THSD4: variants seen among roughly 807,000 people sequenced by gnomAD.
The protein encoded by THSD4 is thrombospondin type 1 domain containing 4, also known as thrombospondin type-1 domain-containing protein 4.
A neutral mutation model predicts 119.0 loss-of-function variants in THSD4; 69 were observed. That is an observed-to-expected ratio of 0.58 (90% confidence interval 0.48 to 0.71). The LOEUF (loss-of-function observed/expected upper bound fraction) is 0.71. Among genes scored for constraint, THSD4 ranks in the 30% least tolerant of loss-of-function variants. The probability of loss-of-function intolerance (pLI) is 0.00; values close to 1 mark genes in which losing one functional copy is unlikely to be tolerated. For synonymous variants in THSD4, 524 were observed against 540.4 expected (o/e 0.97, Z 0.42); for missense variants, 1,393 against 1,391.1 (o/e 1.00, Z -0.02).
rs76277464 is a variant in THSD4 at position 71,695,604 on chromosome 15, C to A, written c.1358-32945C>A. Among the ~76,000 whole-genome samples, 958 of 151,936 alleles carry A rather than the reference C, an allele frequency of 6.3e-3. 11 individuals carry two copies. Among genetic ancestry groups the A allele is most frequent in the African/African-American group, 0.021 (869 of 41,408 alleles). The stretch of plus-strand genomic sequence containing the variant: ...TTTGCTGATTGCAGAGCCATTCTCC[C>A]TTAGTGAAGGGACAGATGATGGTGA... On this transcript the variant is annotated intron_variant, in intron 8 of 17. Coordinates refer to ENST00000261862, the MANE Select transcript of THSD4 (RefSeq NM_024817.3).
intron 3 of THSD4, among the ~76,000 whole-genome samples, chr15:71,198,186 A>G (rs2043736151): frequency 1.3e-5 from 2 of 152,236 alleles, no homozygotes. Flanking sequence ...GCGTGAGCCC[A>G]GGATTTTGAA....
At chr15:71,102,393 C>T (rs1442134511) in intron 1 of THSD4, among the ~76,000 whole-genome samples, 1 of 152,046 alleles carries the variant, frequency 6.6e-6, no homozygotes, top group African/African-American at 2.4e-5. Context: ...TTCCCACAGG[C>T]CCCTAAGGTT....
chr15:71,607,690 G>A (rs1293726924), intron 7 of THSD4, among the ~76,000 whole-genome samples: 1 of 152,162 alleles, frequency 6.6e-6, no homozygotes, highest in Non-Finnish European at 1.5e-5. Context: ...TGGGTATGGG[G>A]CACCTATGAT....
intron 8 of THSD4, among the ~76,000 whole-genome samples, chr15:71,724,372 G>T (rs558151273): frequency 2.4e-4 from 36 of 149,244 alleles, no homozygotes; most frequent in African/African-American, 8.3e-4. Flanking sequence ...TGCAAGCTCC[G>T]CCTCCTGGGT....
In THSD4 at chr15:71,432,332, A is replaced by G. The variant is rs191600823; in HGVS notation, c.1152+20509A>G. ...ATTTTGAAGTCTTTTAAAAATGTTC[A>G]AAAGACTTGATCAAAAGTAGAATCA... is the stretch of plus-strand genomic sequence containing the variant. On this transcript the variant is annotated intron_variant, in intron 7 of 17. Transcript: ENST00000261862. 1.8e-3 allele frequency among the ~76,000 whole-genome samples: 281 copies of G among 152,318 alleles called. 1 individual carries two copies. The highest frequency in any genetic ancestry group is 8.7e-4 in the Non-Finnish European group (59 of 68,020).
At chr15:71,546,609 A>T (rs4777410) in intron 7 of THSD4, among the ~76,000 whole-genome samples, 100,886 of 151,978 alleles carry the variant, frequency 0.66, 35,939 homozygotes, top group East Asian at 0.95. Flanking sequence ...CTATTTTTAC[A>T]TTTTCTGCAA....
intron 1 of THSD4, among the ~76,000 whole-genome samples, chr15:71,136,257 C>T (rs989245750): frequency 2.6e-5 from 4 of 152,058 alleles, no homozygotes; most frequent in Admixed American, 2.0e-4. Context: ...GCCCTGATGT[C>T]GGGAGCCAAC....
intron 7 of THSD4, among the ~76,000 whole-genome samples, chr15:71,486,159 A>C (rs892093682): frequency 3.9e-5 from 6 of 152,128 alleles, no homozygotes; most frequent in Admixed American, 6.6e-5. Flanking sequence ...ATCTCAAAAT[A>C]TCTCTTTCTC....
intron 6 of THSD4, among the ~76,000 whole-genome samples, chr15:71,282,815 G>A (rs967577559): frequency 9.9e-5 from 15 of 151,990 alleles, no homozygotes; most frequent in African/African-American, 1.9e-4. Flanking sequence ...TTCAACTTGC[G>A]TATCCTTTTC....
At chr15:71,559,929 G>A (rs1175094261) in intron 7 of THSD4, among the ~76,000 whole-genome samples, 2 of 152,088 alleles carry the variant, frequency 1.3e-5, no homozygotes, top group South Asian at 2.1e-4. Flanking sequence ...TACCTTAAGA[G>A]AAAGTCACAT....
chr15:71,200,942 T>C (rs569503141), intron 3 of THSD4, among the ~76,000 whole-genome samples: 1 of 152,342 alleles, frequency 6.6e-6, no homozygotes, highest in East Asian at 1.9e-4. Context: ...CTTTGTGCCC[T>C]ATATCCATGT....
chr15:71,334,677 G>C (rs1596344618), intron 6 of THSD4, among the ~76,000 whole-genome samples: 1 of 152,316 alleles, frequency 6.6e-6, no homozygotes, highest in African/African-American at 2.4e-5. Flanking sequence ...CAGTTTGCCA[G>C]TGTCTGACCC....
chr15:71,357,606 C>A (rs1267081984), intron 6 of THSD4, among the ~76,000 whole-genome samples: 1 of 152,170 alleles, frequency 6.6e-6, no homozygotes. Flanking sequence ...GCTCTCCCGC[C>A]TGCAGTTTTA....
At chr15:71,693,616 G>A (rs2052100758) in intron 8 of THSD4, among the ~76,000 whole-genome samples, 1 of 152,132 alleles carries the variant, frequency 6.6e-6, no homozygotes, top group Admixed American at 6.5e-5. Flanking sequence ...ATATGGTTTG[G>A]CTGTGTCTCC....
At chr15:71,111,876 G>C (rs2040307760), upstream of THSD4, 9 of 545,948 alleles carry the variant, frequency 1.6e-5, 1 homozygote, top group South Asian at 2.3e-4. Context: ...CAGAACTCTA[G>C]GCCCAAGAGA....
At chr15:71,449,274 A>G (rs1279273082) in intron 7 of THSD4, among the ~76,000 whole-genome samples, 2 of 152,190 alleles carry the variant, frequency 1.3e-5, no homozygotes, top group Non-Finnish European at 2.9e-5. Context: ...CACATACACT[A>G]TTATTCAGTA....
At chr15:71,159,245 G>T (rs2043228594) in intron 3 of THSD4, among the ~76,000 whole-genome samples, 1 of 152,156 alleles carries the variant, frequency 6.6e-6, no homozygotes, top group Admixed American at 6.5e-5. Flanking sequence ...AAGTCAGGTT[G>T]TGTGATGCTT....
At chr15:71,567,035 T>C (rs1301188227) in intron 7 of THSD4, among the ~76,000 whole-genome samples, 10 of 152,132 alleles carry the variant, frequency 6.6e-5, no homozygotes. Context: ...GATAGAGTAA[T>C]TGGCCCAACT....
intron 6 of THSD4, among the ~76,000 whole-genome samples, chr15:71,375,716 T>A (rs1313693542): frequency 6.6e-6 from 1 of 152,140 alleles, no homozygotes; most frequent in East Asian, 1.9e-4. Context: ...GTGCAGTGGT[T>A]CTCAAAGTGC....
Sources: allele counts gnomAD v4.1 joint callset (sites outside exome capture counted in the v4.1 genomes callset), GRCh38; gene constraint gnomAD v4.1.1; transcripts MANE v1.5; gene names NCBI Gene and HGNC (gene_info 2026-07-23, HGNC 2026-07-21).